MEGF6: variants seen among roughly 807,000 people sequenced by gnomAD.
The protein encoded by MEGF6 is multiple epidermal growth factor-like domains protein 6.
Under a neutral mutation model 207.1 loss-of-function variants are expected in MEGF6, and 184 were observed. The ratio of observed to expected loss-of-function variants is 0.89; its 90% CI spans 0.79 to 1.00. The LOEUF (loss-of-function observed/expected upper bound fraction) is 1.00. MEGF6 is among the 50% of genes least tolerant of loss of function. The pLI is 0.00. For missense variants in MEGF6, 2,282 were observed against 2,202.9 expected (o/e 1.04, Z -0.72); for synonymous variants, 1,038 against 910.0 (o/e 1.14, Z -2.53).
Position 3,505,259 on chromosome 1 carries a change from C to G in MEGF6, c.2137G>C (p.Glu713Gln). The change falls in exon 17 of 37, where the codon GAG (glutamate) becomes CAG (glutamine). Residue 713 changes from glutamate (E) to glutamine (Q), a missense_variant. By Grantham distance (29) the Glu-to-Gln change is conservative. Coordinates refer to ENST00000356575, the MANE Select transcript of MEGF6 (RefSeq NM_001409.4). Reference protein sequence around the residue: ...VGVACDSVSGECGKRCPAGFQ... With the variant: ...VGVACDSVSGQCGKRCPAGFQ... The stretch of plus-strand genomic sequence containing the variant: ...CCAGCAGGACACCGCTTCCCACACT[C>G]GCCGCTCACGGAGTCACAGGCCACG... The G allele has an allele frequency of 2.5e-6, 4 of 1,612,526 alleles. No individual in the cohort carries two copies. The highest frequency in any genetic ancestry group is 3.4e-6 in the Non-Finnish European group (4 of 1,179,882).
chr1:3,508,824 A>AC, intron 12 of MEGF6, 135 bp from the exon 13 acceptor site: 1 of 1,202,528 alleles, frequency 8.3e-7, no homozygotes, highest in African/African-American at 1.5e-5. Context: ...CCAAAGGGTG[A>AC]CATGGGGACA....
In MEGF6 at chr1:3,594,144, G is replaced by A. The variant is rs1644022724; in HGVS notation, c.376+1194C>T. On this transcript the variant is annotated intron_variant, in intron 3 of 36. Coordinates refer to ENST00000356575, the MANE Select transcript of MEGF6 (RefSeq NM_001409.4). This position sits in a 1 kb window ranked among gnomAD's most constrained non-coding sequence, Gnocchi z 4.2. The stretch of plus-strand genomic sequence containing the variant: ...TCCATTAAACCTCAACGTGGAGCGT[G>A]CTGGCGGGACATGGTGGCTCACACC... Among the ~76,000 whole-genome samples, 1 of 152,202 alleles carries A rather than the reference G, an allele frequency of 6.6e-6. No homozygotes were observed. Among genetic ancestry groups the A allele is most frequent in the Admixed American group, 6.5e-5 (1 of 15,284 alleles).
intron 4 of MEGF6, among the ~76,000 whole-genome samples, chr1:3,552,925 G>A (rs1193600043): frequency 1.3e-5 from 2 of 152,086 alleles, no homozygotes; most frequent in Admixed American, 6.5e-5. Flanking sequence ...AGATGCTGCT[G>A]CCCAGGTCCC....
chr1:3,532,190 G>A (rs868513546), intron 4 of MEGF6, among the ~76,000 whole-genome samples: 4 of 152,224 alleles, frequency 2.6e-5, no homozygotes, highest in Admixed American at 6.5e-5. Flanking sequence ...GGCATAGCCC[G>A]GGGGAGGCAG....
chr1:3,567,004 G>A (rs1252737586), intron 4 of MEGF6, among the ~76,000 whole-genome samples: 3 of 152,234 alleles, frequency 2.0e-5, no homozygotes, highest in Non-Finnish European at 2.9e-5. Flanking sequence ...TAGTGAGGCC[G>A]TCCTGGCCAG....
At chr1:3,558,036 G>A (rs139265487) in intron 4 of MEGF6, among the ~76,000 whole-genome samples, 10 of 152,214 alleles carry the variant, frequency 6.6e-5, no homozygotes, top group East Asian at 1.9e-4. Flanking sequence ...TCCCCTCCCC[G>A]CTCCGTGCAG....
intron 26 of MEGF6, chr1:3,497,564 C>T: frequency 1.4e-6 from 1 of 736,880 alleles, no homozygotes; most frequent in Non-Finnish European, 2.3e-6. Context: ...GCAGGGGCCT[C>T]CCCACCGGCA....
At chr1:3,501,968 A>G in intron 17 of MEGF6, 47 bp from the exon 18 acceptor site, 4 of 1,248,952 alleles carry the variant, frequency 3.2e-6, no homozygotes, top group Non-Finnish European at 4.1e-6. Context: ...CGTGGAGTGG[A>G]CTGACCAGAG....
Position 3,499,604 on chromosome 1 carries a change from GC to G in MEGF6, c.2948del (p.Gly983AlafsTer291). 1 of 1,582,082 alleles carries G rather than the reference GC, an allele frequency of 6.3e-7. No homozygotes were observed. Among genetic ancestry groups the G allele is most frequent in the Non-Finnish European group, 8.6e-7 (1 of 1,165,472 alleles). On this transcript the variant is annotated frameshift_variant, in exon 23 of 37. Transcript: ENST00000356575. LOFTEE classifies it high-confidence loss of function. ...CTCACGCACTCTCGGCACAGCGGGG[GC>G]CCCGGCGGCCAGCGGGGCAGAGGCA... ...GSCLCPAGRR[G>X]PRCAETCPAH...
rs1033141732 is a variant in MEGF6 at position 3,504,377 on chromosome 1, G to A, written c.2188+831C>T. Reference sequence around the variant, plus strand: ...CCCCTCATAAGCCGATGACACACTCGGGTATTTCCTATCCTGGTCATGAGA... The same window carrying A: ...CCCCTCATAAGCCGATGACACACTCAGGTATTTCCTATCCTGGTCATGAGA... On this transcript the variant is annotated intron_variant, in intron 17 of 36. Transcript: ENST00000356575. 3.9e-5 allele frequency among the ~76,000 whole-genome samples: 6 copies of A among 152,026 alleles called. No individual in the cohort carries two copies. In the East Asian group the frequency reaches 5.8e-4, roughly 15 times the overall value.
intron 4 of MEGF6, among the ~76,000 whole-genome samples, chr1:3,550,322 G>A (rs562884256): frequency 2.6e-5 from 4 of 152,306 alleles, no homozygotes; most frequent in South Asian, 2.1e-4. Flanking sequence ...GGACGACAGC[G>A]AGGAGGAACC....
intron 9 of MEGF6, among the ~76,000 whole-genome samples, chr1:3,511,164 C>T (rs888713695): frequency 6.6e-6 from 1 of 152,260 alleles, no homozygotes; most frequent in Non-Finnish European, 1.5e-5. Context: ...CAGGGCCACC[C>T]GCCTGTCTGC....
intron 4 of MEGF6, among the ~76,000 whole-genome samples, chr1:3,558,932 G>A (rs762045413): frequency 1.4e-4 from 22 of 151,984 alleles, no homozygotes; most frequent in Non-Finnish European, 2.5e-4. Flanking sequence ...GAGGCTGAGG[G>A]GGAGGATCAC....
chr1:3,520,470 G>A (rs997600679), intron 5 of MEGF6, among the ~76,000 whole-genome samples: 1 of 152,194 alleles, frequency 6.6e-6, no homozygotes, highest in African/African-American at 2.4e-5. Flanking sequence ...GCGGGCTCAG[G>A]TTTAGGGGCT....
At chr1:3,529,100 G>A (rs1029382812) in intron 4 of MEGF6, among the ~76,000 whole-genome samples, 3 of 152,174 alleles carry the variant, frequency 2.0e-5, no homozygotes, top group African/African-American at 4.8e-5. Flanking sequence ...CGCGTGCCCT[G>A]CAGAAGCTTG....
At chr1:3,549,086 G>A (rs1642804922) in intron 4 of MEGF6, among the ~76,000 whole-genome samples, 1 of 152,156 alleles carries the variant, frequency 6.6e-6, no homozygotes, top group Admixed American at 6.5e-5. Flanking sequence ...GCCGGGCTGA[G>A]CTCTAACATC....
At chr1:3,589,341 C>A (rs1463151753) in intron 3 of MEGF6, among the ~76,000 whole-genome samples, 1 of 152,152 alleles carries the variant, frequency 6.6e-6, no homozygotes, top group African/African-American at 2.4e-5. Context: ...TCCCTCGCTG[C>A]AGCAGCCCCG....
intron 3 of MEGF6, among the ~76,000 whole-genome samples, chr1:3,591,957 T>C (rs61762207): frequency 0.25 from 37,722 of 151,672 alleles, 5,277 homozygotes; most frequent in East Asian, 0.48. Context: ...TACTGAGCCA[T>C]GTTTTCCACT....
chr1:3,488,436 T>C lies in MEGF6; in HGVS notation c.*2092A>G, dbSNP rs1640226339. 6.6e-6 allele frequency among the ~76,000 whole-genome samples: 1 copy of C among 152,242 alleles called. No homozygotes were observed. Among genetic ancestry groups the C allele is most frequent in the South Asian group, 2.1e-4 (1 of 4,834 alleles). Reference sequence around the variant, plus strand: ...CCATTGGGGAGTAATGGTGATATTCTGACTCTCTGAATTCCTAGGCCATTT... The same window carrying C: ...CCATTGGGGAGTAATGGTGATATTCCGACTCTCTGAATTCCTAGGCCATTT... On this transcript the variant is annotated 3_prime_UTR_variant, in exon 37 of 37. Coordinates refer to ENST00000356575, the MANE Select transcript of MEGF6 (RefSeq NM_001409.4).
Sources: allele counts gnomAD v4.1 joint callset (sites outside exome capture counted in the v4.1 genomes callset), GRCh38; gene constraint gnomAD v4.1.1; non-coding constraint Gnocchi (gnomAD v3.1); transcripts MANE v1.5; gene names NCBI Gene and HGNC (gene_info 2026-07-23, HGNC 2026-07-21).